SYNE1: variants seen among roughly 807,000 people sequenced by gnomAD.
SYNE1 encodes the protein spectrin repeat containing nuclear envelope protein 1, also known as nesprin-1.
In SYNE1, 616 loss-of-function variants were observed where a neutral mutation model predicts 1,111.0. That is an observed-to-expected ratio of 0.55 (90% confidence interval 0.52 to 0.59). The LOEUF (loss-of-function observed/expected upper bound fraction) is 0.59, where lower values mean the gene tolerates loss of function less well. Among genes scored for constraint, SYNE1 ranks in the 20% least tolerant of loss-of-function variants. The probability of loss-of-function intolerance (pLI) is 0.00; values close to 1 mark genes in which losing one functional copy is unlikely to be tolerated. For synonymous variants in SYNE1, 3,855 were observed against 3,825.8 expected, an observed-to-expected ratio of 1.01 and a Z score of -0.28; for missense variants, 10,006 against 10,417.0, an observed-to-expected ratio of 0.96 and a Z score of 1.72.
intron 34 of SYNE1, 145 bp from the exon 35 acceptor site, chr6:152,430,854 A>C: frequency 6.2e-6 from 5 of 806,778 alleles, no homozygotes; most frequent in Non-Finnish European, 1.0e-5. Context: ...AGCAAACACC[A>C]TGTGTTTGGG....
rs72461138 is a variant in SYNE1, at chr6:152,363,497, C to CTAAATAAATAAA, written c.10146-1186_10146-1175dup. On this transcript the variant is annotated intron_variant, in intron 63 of 145. Coordinates refer to ENST00000367255, the MANE Select transcript of SYNE1 (RefSeq NM_182961.4). The stretch of plus-strand genomic sequence containing the variant: ...CGACAGAGCAAGACTCCGTCTCAAA[C>CTAAATAAATAAA]TAAATAAATAAATAAATAAATAAAT... 5.0e-4 allele frequency among the ~76,000 whole-genome samples: 72 copies of CTAAATAAATAAA among 144,250 alleles called. 2 individuals are homozygous for CTAAATAAATAAA. The highest frequency in any genetic ancestry group is 1.5e-3 in the African/African-American group (60 of 39,176). 94.6% of individuals were successfully genotyped at this position (144,250 alleles called of 152,430 possible). A position where few individuals can be genotyped will look rare whatever the true frequency, so the allele number is the denominator to read the frequency against.
chr6:152,370,209 A>T (rs1278806628), intron 59 of SYNE1, among the ~76,000 whole-genome samples: 2 of 152,018 alleles, frequency 1.3e-5, no homozygotes, highest in East Asian at 3.9e-4. Flanking sequence ...TGTCTATACC[A>T]TGCCTATATA....
chr6:152,378,915 G>A (rs995651845), intron 56 of SYNE1, among the ~76,000 whole-genome samples: 5 of 152,056 alleles, frequency 3.3e-5, no homozygotes, highest in South Asian at 2.1e-4. Context: ...TATTTAACTC[G>A]GTGTCTGGGC....
rs1445295339 is a variant in SYNE1 at position 152,318,095 on chromosome 6, A to T, written c.16558T>A (p.Ser5520Thr). The T allele has an allele frequency of 1.2e-6, 2 of 1,614,240 alleles. No individual in the cohort carries two copies. Among genetic ancestry groups the T allele is most frequent in the Non-Finnish European group, 1.7e-6 (2 of 1,180,048 alleles). The part of the protein sequence containing the change: ...QTIRQAENRL[S>T]KLNQAASHLE... Reference sequence around the variant, plus strand: ...GGAACACATACCTGATTGAGCTTGGAGAGCCGATTCTCAGCTTGTCTAATG... The same window carrying T: ...GGAACACATACCTGATTGAGCTTGGTGAGCCGATTCTCAGCTTGTCTAATG... Residue 5520 changes from serine (S) to threonine (T), a missense_variant, in exon 86 of 146, where the codon TCC becomes ACC. Ser to Thr is a moderately conservative substitution (Grantham distance 58). Transcript: ENST00000367255.
At chr6:152,160,365 C>T (rs1014982761) in intron 131 of SYNE1, among the ~76,000 whole-genome samples, 1 of 152,092 alleles carries the variant, frequency 6.6e-6, no homozygotes, top group African/African-American at 2.4e-5. Flanking sequence ...TAATCTAGCC[C>T]CTCCTGGCTC....
At position 152,256,660 on chromosome 6, in the gene SYNE1, G is replaced by T; in HGVS notation, c.19078C>A (p.Gln6360Lys). The T allele has an allele frequency of 4.3e-6, 7 of 1,613,794 alleles. No individual in the cohort carries two copies. The highest frequency in any genetic ancestry group is 5.9e-6 in the Non-Finnish European group (7 of 1,179,844). ...TGGGATGAAACCTCCTCGAAGGCTT[G>T]GTTCAGTCCATCCAGCAAAGATGTA... ...AVTSLLDGLN[Q>K]AFEEVSSQSG... Residue 6360 changes from glutamine to lysine, a missense_variant, in exon 102 of 146, where the codon CAA becomes AAA. Around this residue, in one of 7 missense-constraint regions of SYNE1, gnomAD observed 2,182 missense variants for 2,287.8 expected, o/e 0.95. Coordinates refer to ENST00000367255, the MANE Select transcript of SYNE1 (RefSeq NM_182961.4).
chr6:152,218,142 A>G (rs2079200918), intron 121 of SYNE1, 115 bp downstream of exon 121: 2 of 1,245,142 alleles, frequency 1.6e-6, no homozygotes. Flanking sequence ...CAGTGAGCCG[A>G]GATCACACCA....
Position 152,221,450 on chromosome 6 carries a change from T to C in SYNE1, c.21632A>G (p.Asn7211Ser), listed in dbSNP as rs1310881831. Reference protein sequence around the residue: ...CHPPVTETLTNTLKEVNMRWN... With the variant: ...CHPPVTETLTSTLKEVNMRWN... ...CCTCATGTTGACTTCTTTCAGTGTA[T>C]TGGTAAGAGTTTCTGTCACGGGTGG... Residue 7211 changes from asparagine to serine, a missense_variant, in exon 118 of 146, where the codon AAT (asparagine) becomes AGT (serine). Asn to Ser is a conservative substitution (Grantham distance 46). Around this residue, in one of 7 missense-constraint regions of SYNE1, gnomAD observed 2,182 missense variants for 2,287.8 expected, o/e 0.95. Coordinates refer to ENST00000367255, the MANE Select transcript of SYNE1 (RefSeq NM_182961.4). 1.2e-6 allele frequency: 2 copies of C among 1,614,012 alleles called. No homozygotes were observed. Among genetic ancestry groups the C allele is most frequent in the African/African-American group, 1.3e-5 (1 of 75,048 alleles).
At chr6:152,147,817 T>G in intron 137 of SYNE1, 1 of 534,040 alleles carries the variant, frequency 1.9e-6, no homozygotes, top group Non-Finnish European at 3.4e-6. Context: ...CCCTAGAACC[T>G]GGCAAAGCGC....
intron 3 of SYNE1, among the ~76,000 whole-genome samples, chr6:152,544,554 A>AG (rs1564762769): frequency 1.8e-4 from 27 of 146,316 alleles, no homozygotes; most frequent in Non-Finnish European, 3.2e-4. Flanking sequence ...AAAAAAAAAA[A>AG]AGGGTTCTGG....
chr6:152,145,449 G>T (rs769928481), intron 137 of SYNE1: 2 of 1,583,632 alleles, frequency 1.3e-6, no homozygotes, highest in Non-Finnish European at 1.7e-6. Flanking sequence ...TGCTATACAG[G>T]GGAGGGAGGG....
chr6:152,143,737 G>A lies in SYNE1; in HGVS notation c.25005C>T (p.Ile8335=). ...SGDHSALESQ[I]RQLGKALDDS... is the part of the protein sequence containing the mutation. ...CATCCAGGGCTTTGCCCAGTTGTCG[G>A]ATCTGTGACTCTAGGGCACTGTGGT... The change falls in exon 138 of 146, where the codon ATC becomes ATT. Residue 8335 remains isoleucine, a synonymous_variant. Coordinates refer to ENST00000367255, the MANE Select transcript of SYNE1 (RefSeq NM_182961.4). The A allele has an allele frequency of 4.3e-6, 7 of 1,614,200 alleles. No homozygotes were observed. The highest frequency in any genetic ancestry group is 1.7e-4 in the Middle Eastern group (1 of 6,060).
In SYNE1 at chr6:152,471,680, C is replaced by G. The variant is rs1304097392; in HGVS notation, c.1549G>C (p.Val517Leu). ...ELKYRLLSLLVLAESKLKSWI... is the reference protein window; with the variant it reads ...ELKYRLLSLLLLAESKLKSWI... Reference sequence around the variant, plus strand: ...GACTTCAGCTTTGACTCTGCAAGAACCAGCAGTGAGAGCAGACGGTACTTT... The same window carrying G: ...GACTTCAGCTTTGACTCTGCAAGAAGCAGCAGTGAGAGCAGACGGTACTTT... Residue 517 changes from valine (V) to leucine (L), a missense_variant, in exon 16 of 146, where the codon GTT becomes CTT. This residue lies in a region of SYNE1 where 1,971 missense variants were observed against 2,084.1 expected (regional missense o/e 0.95). Transcript: ENST00000367255. The G allele has an allele frequency of 1.2e-6, 2 of 1,613,988 alleles. No individual in the cohort carries two copies. The highest frequency in any genetic ancestry group is 4.5e-5 in the East Asian group (2 of 44,862).
At chr6:152,524,764 GC>G (rs2099155806) in intron 5 of SYNE1, among the ~76,000 whole-genome samples, 1 of 152,082 alleles carries the variant, frequency 6.6e-6, no homozygotes, top group African/African-American at 2.4e-5. Context: ...GAGGGTTACT[GC>G]TATTGGCAAC....
intron 84 of SYNE1, among the ~76,000 whole-genome samples, chr6:152,320,584 G>A (rs2095848206): frequency 6.6e-6 from 1 of 151,940 alleles, no homozygotes; most frequent in Admixed American, 6.5e-5. Flanking sequence ...ATGAAATTGT[G>A]CTCTTCATGA....
intron 40 of SYNE1, among the ~76,000 whole-genome samples, chr6:152,417,401 G>A (rs1347537982): frequency 6.6e-6 from 1 of 152,162 alleles, no homozygotes; most frequent in African/African-American, 2.4e-5. Context: ...GGGAGGCTGA[G>A]GCAGGAGAAT....
chr6:152,350,523 G>T, intron 71 of SYNE1, 95 bp downstream of exon 71: 3 of 1,549,840 alleles, frequency 1.9e-6, no homozygotes, highest in Non-Finnish European at 2.7e-6. Flanking sequence ...ATACTAACCC[G>T]TACCAGGCCT....
chr6:152,566,717 T>C (rs957637853), intron 3 of SYNE1, among the ~76,000 whole-genome samples: 9 of 152,184 alleles, frequency 5.9e-5, no homozygotes, highest in African/African-American at 2.2e-4. Context: ...TTACTCCACC[T>C]AGAGCTTGGC....
chr6:152,213,301 T>C (rs1222728417), intron 123 of SYNE1, among the ~76,000 whole-genome samples: 1 of 152,216 alleles, frequency 6.6e-6, no homozygotes, highest in Non-Finnish European at 1.5e-5. Context: ...GAAAATTGTC[T>C]AACTATCTAT....
Sources: allele counts gnomAD v4.1 joint callset (sites outside exome capture counted in the v4.1 genomes callset), GRCh38; gene constraint gnomAD v4.1.1; regional missense constraint gnomAD v4.1.1; transcripts MANE v1.5; gene names NCBI Gene and HGNC (gene_info 2026-07-23, HGNC 2026-07-21).